WAC: variants seen among roughly 807,000 people sequenced by gnomAD.
The protein encoded by WAC is WW domain containing adaptor with coiled-coil, also known as WW domain-containing adapter protein with coiled-coil.
WAC carries 11 observed loss-of-function variants against 79.6 expected under a neutral mutation model. The observed-to-expected ratio is 0.14, with a 90% confidence interval of 0.09 to 0.23. The LOEUF (loss-of-function observed/expected upper bound fraction) is 0.23. WAC is among the 10% of genes least tolerant of loss of function. The probability of loss-of-function intolerance (pLI) is 1.00; values close to 1 mark genes in which losing one functional copy is unlikely to be tolerated. For synonymous variants in WAC, 304 were observed against 276.9 expected (o/e 1.10, Z -0.97); for missense variants, 728 against 773.5 (o/e 0.94, Z 0.70).
chr10:28,539,647 C>T (rs1269969990), intron 3 of WAC, among the ~76,000 whole-genome samples: 1 of 151,844 alleles, frequency 6.6e-6, no homozygotes, highest in African/African-American at 2.4e-5. Flanking sequence ...TAACCTCTGC[C>T]TCCTGAGTTC....
chr10:28,566,957 T>G (rs1398460249), intron 3 of WAC, among the ~76,000 whole-genome samples: 3 of 151,772 alleles, frequency 2.0e-5, no homozygotes, highest in Non-Finnish European at 4.4e-5. Context: ...TCCCTGTTTT[T>G]TTTTTTTTCA....
chr10:28,566,262 C>T (rs1449436557), intron 3 of WAC, among the ~76,000 whole-genome samples: 6 of 151,692 alleles, frequency 4.0e-5, no homozygotes, highest in South Asian at 2.1e-4. Flanking sequence ...TGTGTGTGCA[C>T]GTGTGTGTGT....
chr10:28,556,286 T>C (rs976142682), intron 3 of WAC, among the ~76,000 whole-genome samples: 14 of 152,130 alleles, frequency 9.2e-5, no homozygotes, highest in Admixed American at 9.2e-4. Context: ...CATTGCAGTT[T>C]GATTTGCATT....
chr10:28,609,086 G>A (rs1841097623), intron 8 of WAC, among the ~76,000 whole-genome samples: 1 of 152,198 alleles, frequency 6.6e-6, no homozygotes, highest in Admixed American at 6.5e-5. Context: ...ATTCCTAAAA[G>A]CACTGCAAAA....
At chr10:28,577,764 C>T (rs563938730) in intron 3 of WAC, among the ~76,000 whole-genome samples, 152 of 152,244 alleles carry the variant, frequency 1.0e-3, no homozygotes, top group African/African-American at 3.4e-3. Context: ...AGGGGAGATT[C>T]GTTGAGTGTC....
At chr10:28,550,286 G>A (rs1008998448) in intron 3 of WAC, among the ~76,000 whole-genome samples, 2 of 149,260 alleles carry the variant, frequency 1.3e-5, no homozygotes, top group African/African-American at 4.9e-5. Flanking sequence ...CCCAGTCCTA[G>A]GCATCTTTTT....
At chr10:28,605,647 G>A (rs929647432) in intron 7 of WAC, among the ~76,000 whole-genome samples, 16 of 152,066 alleles carry the variant, frequency 1.1e-4, no homozygotes, top group Non-Finnish European at 2.4e-4. Flanking sequence ...TTTTGTTAAT[G>A]ATGATGTGTA....
chr10:28,557,065 G>GTT (rs56371219), intron 3 of WAC, among the ~76,000 whole-genome samples: 4,988 of 145,722 alleles, frequency 0.034, 118 homozygotes, highest in Non-Finnish European at 0.053. Context: ...AATTTTGGGA[G>GTT]TTTTTTTTTT....
Position 28,610,711 on chromosome 10 carries a change from C to T in WAC, c.1178C>T (p.Ala393Val), listed in dbSNP as rs1841196339. The change falls in exon 9 of 14, where the codon GCT (alanine) becomes GTT (valine). Residue 393 changes from alanine (A) to valine (V), a missense_variant. Physicochemically the swap from Ala to Val is moderately conservative, Grantham distance 64. Transcript: ENST00000354911. ...AATATGTTTTTAGTTCTTACAGCAG[C>T]TGTGACACAAGCCTCACTGCAGTCT... ...ISKINEVLTA[A>V]VTQASLQSII... 6.2e-7 allele frequency: 1 copy of T among 1,608,866 alleles called. No individual in the cohort carries two copies. The highest frequency in any genetic ancestry group is 1.3e-5 in the African/African-American group (1 of 74,598).
chr10:28,547,337 C>G (rs1837407594), intron 3 of WAC, among the ~76,000 whole-genome samples: 1 of 152,128 alleles, frequency 6.6e-6, no homozygotes, highest in Admixed American at 6.5e-5. Context: ...GAGTTAGAGA[C>G]CAGCCTGGCC....
intron 4 of WAC, among the ~76,000 whole-genome samples, chr10:28,584,752 G>A (rs1363226524): frequency 6.6e-6 from 1 of 152,064 alleles, no homozygotes; most frequent in Non-Finnish European, 1.5e-5. Flanking sequence ...TGAGACATTA[G>A]GATAATATTT....
In WAC at chr10:28,604,266, A is replaced by G. The variant is rs73609830; in HGVS notation, c.920-3920A>G. 4.2e-3 allele frequency among the ~76,000 whole-genome samples: 617 copies of G among 145,406 alleles called. 6 individuals carry two copies. The highest frequency in any genetic ancestry group is 0.015 in the African/African-American group (594 of 39,256). ...TTTTTTTTTTTTATTGTTTAGCATT[A>G]TCAGTTTTGAGGCCAATCAAGATGA... On this transcript the variant is annotated intron_variant, in intron 7 of 13. Transcript: ENST00000354911.
chr10:28,608,516 CTTTG>C (rs1423790090), intron 8 of WAC, 85 bp downstream of exon 8: 1 of 1,335,108 alleles, frequency 7.5e-7, no homozygotes, highest in Non-Finnish European at 1.0e-6. Context: ...TAGGAATGGT[CTTTG>C]TTTTCTTTTG....
chr10:28,580,814 T>C (rs1839494533), intron 3 of WAC, among the ~76,000 whole-genome samples: 1 of 152,208 alleles, frequency 6.6e-6, no homozygotes, highest in African/African-American at 2.4e-5. Flanking sequence ...GTATTAATTT[T>C]CCTTTGTTAC....
intron 10 of WAC, among the ~76,000 whole-genome samples, chr10:28,612,176 TG>T (rs747189499): frequency 1.3e-5 from 2 of 151,900 alleles, no homozygotes; most frequent in Non-Finnish European, 2.9e-5. Flanking sequence ...ACATGGAGAG[TG>T]AGATAAAGAG....
intron 4 of WAC, among the ~76,000 whole-genome samples, chr10:28,585,598 G>T (rs1257904793): frequency 6.6e-6 from 1 of 151,504 alleles, no homozygotes; most frequent in Non-Finnish European, 1.5e-5. Context: ...TGGGGAGAAG[G>T]GGGGGCAAAT....
rs2486640 is a variant in WAC at position 28,535,335 on chromosome 10, G to T, written c.79-227G>T. ...GGTGGTTTATAAGATAATGGAGTGG[G>T]TTTTTTTTGTGTTTAGTGTGATTTG... On this transcript the variant is annotated intron_variant, in intron 2 of 13. Coordinates refer to ENST00000354911, the MANE Select transcript of WAC (RefSeq NM_016628.5). 146,935 of 288,510 alleles carry T rather than the reference G, an allele frequency of 0.51. 41,097 individuals are homozygous for T. The highest frequency in any genetic ancestry group is 0.75 in the African/African-American group (33,020 of 43,870). The allele number at this position is 288,510 out of a possible 1,614,324, so 17.9% of individuals were successfully genotyped here. A position where few individuals can be genotyped will look rare whatever the true frequency, so the allele number is the denominator to read the frequency against.
At position 28,614,680 on chromosome 10, in the gene WAC, C is replaced by G; in HGVS notation, c.1551C>G (p.Arg517=). The change falls in exon 11 of 14, where the codon CGC becomes CGG. Residue 517 remains arginine, a synonymous_variant. Transcript: ENST00000354911. ...CTGTCTCTCCTCGAAGTCTTCAGCG[C>G]TCAAGGTAGGTTGATATTGTATATT... The part of the protein sequence containing the change: ...HEPVSPRSLQ[R]SSSQRSPSPG... 1 of 1,612,938 alleles carries G rather than the reference C, an allele frequency of 6.2e-7. No individual in the cohort carries two copies. Among genetic ancestry groups the G allele is most frequent in the African/African-American group, 1.3e-5 (1 of 75,022 alleles).
intron 3 of WAC, among the ~76,000 whole-genome samples, chr10:28,542,436 CA>C (rs1837106479): frequency 6.6e-6 from 1 of 152,210 alleles, no homozygotes. Flanking sequence ...TAACCAAAAA[CA>C]TTGTCAGTGA....
Sources: gnomAD v4.1 joint callset for allele counts (sites outside exome capture counted in the v4.1 genomes callset) on GRCh38, gnomAD v4.1.1 for gene constraint, MANE v1.5 for transcripts, NCBI Gene and HGNC (gene_info 2026-07-23, HGNC 2026-07-21) for gene names.